SORCS2: variants seen among roughly 807,000 people sequenced by gnomAD.
SORCS2 encodes the protein VPS10 domain-containing receptor SorCS2.
In SORCS2, 100 loss-of-function variants were observed where a neutral mutation model predicts 141.6. The observed-to-expected ratio is 0.71, with a 90% confidence interval of 0.60 to 0.83. The LOEUF is 0.83. Among genes scored for constraint, SORCS2 ranks in the 40% least tolerant of loss-of-function variants. SORCS2 has a pLI of 0.00. For synonymous variants in SORCS2, 789 were observed against 676.9 expected, an observed-to-expected ratio of 1.17 and a Z score of -2.57; for missense variants, 1,646 against 1,560.2, an observed-to-expected ratio of 1.05 and a Z score of -0.93.
At chr4:7,268,420 C>G (rs907659103) in intron 1 of SORCS2, among the ~76,000 whole-genome samples, 1 of 152,142 alleles carries the variant, frequency 6.6e-6, no homozygotes, top group South Asian at 2.1e-4. Flanking sequence ...ATCCCTCAAC[C>G]CCTCTCCCAT....
At chr4:7,714,680 C>G (rs965846329) in intron 16 of SORCS2, among the ~76,000 whole-genome samples, 1 of 152,188 alleles carries the variant, frequency 6.6e-6, no homozygotes, top group Non-Finnish European at 1.5e-5. Flanking sequence ...CTGCACCCAC[C>G]CCAGCCCTTC....
intron 2 of SORCS2, among the ~76,000 whole-genome samples, chr4:7,521,920 C>T (rs1490294805): frequency 1.3e-5 from 2 of 152,218 alleles, no homozygotes; most frequent in Non-Finnish European, 2.9e-5. Context: ...AAGGGGTGGT[C>T]CATGCCGTAA....
intron 1 of SORCS2, among the ~76,000 whole-genome samples, chr4:7,394,788 C>G (rs778473222): frequency 6.6e-6 from 1 of 152,034 alleles, no homozygotes; most frequent in South Asian, 2.1e-4. Context: ...CCTCCAGAGC[C>G]GAGCTCCACC....
intron 1 of SORCS2, among the ~76,000 whole-genome samples, chr4:7,293,087 G>A (rs1716723633): frequency 6.6e-6 from 1 of 152,096 alleles, no homozygotes; most frequent in Non-Finnish European, 1.5e-5. Flanking sequence ...GGCGGATCAT[G>A]AGGTCAGGAG....
At chr4:7,296,302 A>T (rs1717047054) in intron 1 of SORCS2, among the ~76,000 whole-genome samples, 1 of 152,030 alleles carries the variant, frequency 6.6e-6, no homozygotes, top group African/African-American at 2.4e-5. Context: ...GTGTACCCTG[A>T]TTTTCTCTCT....
chr4:7,414,762 G>A (rs1424741573), intron 2 of SORCS2, among the ~76,000 whole-genome samples: 2 of 152,214 alleles, frequency 1.3e-5, no homozygotes, highest in African/African-American at 4.8e-5. Flanking sequence ...ATTATAATTA[G>A]ATATAGGGTC....
At chr4:7,505,213 G>A (rs573413930) in intron 2 of SORCS2, among the ~76,000 whole-genome samples, 13 of 152,318 alleles carry the variant, frequency 8.5e-5, no homozygotes, top group Admixed American at 5.2e-4. Context: ...GACAGCATCC[G>A]TGGAAAATGC....
intron 1 of SORCS2, among the ~76,000 whole-genome samples, chr4:7,367,971 G>A (rs1317956547): frequency 6.6e-6 from 1 of 152,184 alleles, no homozygotes; most frequent in Non-Finnish European, 1.5e-5. Flanking sequence ...CTGAGTGCTT[G>A]GGCTTCCCAT....
chr4:7,493,522 G>T (rs1240581730), intron 2 of SORCS2, among the ~76,000 whole-genome samples: 1 of 152,128 alleles, frequency 6.6e-6, no homozygotes, highest in Non-Finnish European at 1.5e-5. Flanking sequence ...ATCTGTTGGT[G>T]GTCGTGGTTC....
At chr4:7,484,903 C>G (rs893710357) in intron 2 of SORCS2, among the ~76,000 whole-genome samples, 8 of 152,184 alleles carry the variant, frequency 5.3e-5, no homozygotes, top group African/African-American at 1.9e-4. Flanking sequence ...TCCACACAGC[C>G]TGCCTCCTTA....
intron 1 of SORCS2, among the ~76,000 whole-genome samples, chr4:7,216,371 T>G (rs1728353374): frequency 6.6e-6 from 1 of 152,160 alleles, no homozygotes; most frequent in African/African-American, 2.4e-5. Context: ...CACAGACAAT[T>G]CACTCAAGGC....
intron 11 of SORCS2, among the ~76,000 whole-genome samples, chr4:7,690,667 T>A (rs1214947793): frequency 6.6e-6 from 1 of 151,828 alleles, no homozygotes. Context: ...AGATGGTGAA[T>A]GGATGGATGG....
intron 2 of SORCS2, among the ~76,000 whole-genome samples, chr4:7,412,572 G>A (rs533898128): frequency 2.6e-5 from 4 of 152,174 alleles, no homozygotes; most frequent in African/African-American, 4.8e-5. Flanking sequence ...CTGAAATGTC[G>A]GGTGATGATT....
At chr4:7,253,537 G>T (rs941835452) in intron 1 of SORCS2, among the ~76,000 whole-genome samples, 1 of 152,214 alleles carries the variant, frequency 6.6e-6, no homozygotes, top group Non-Finnish European at 1.5e-5. Context: ...TTCCCCCACT[G>T]AGTGCCGGGG....
chr4:7,438,537 GCT>G (rs1461805697), intron 2 of SORCS2, among the ~76,000 whole-genome samples: 1 of 151,974 alleles, frequency 6.6e-6, no homozygotes, highest in African/African-American at 2.4e-5. Context: ...TCATTTTCTA[GCT>G]CTGTCTTCCT....
chr4:7,469,749 T>C (rs1401187115), intron 2 of SORCS2, among the ~76,000 whole-genome samples: 1 of 152,196 alleles, frequency 6.6e-6, no homozygotes, highest in Non-Finnish European at 1.5e-5. Flanking sequence ...CCCCAGGTGA[T>C]TCCAATCTGC....
In SORCS2 at chr4:7,447,120, G is replaced by T. The variant is rs538394288; in HGVS notation, c.548+50765G>T. Among the ~76,000 whole-genome samples, 3 of 152,316 alleles carry T rather than the reference G, an allele frequency of 2.0e-5. No individual in the cohort carries two copies. In the East Asian group the frequency reaches 5.8e-4, roughly 29 times the overall value. ...AAAAGGACCCCGTGTGCTCAGTTCT[G>T]GGGGCTGGAAGTCCTAGATCAAGGT... On this transcript the variant is annotated intron_variant, in intron 2 of 26. Transcript: ENST00000507866.
At chr4:7,343,652 C>T (rs1359938925) in intron 1 of SORCS2, among the ~76,000 whole-genome samples, 1 of 152,200 alleles carries the variant, frequency 6.6e-6, no homozygotes, top group Non-Finnish European at 1.5e-5. Flanking sequence ...CTGGGTGACC[C>T]TGCCTGCCTC....
At chr4:7,597,680 C>G (rs116364579) in intron 3 of SORCS2, among the ~76,000 whole-genome samples, 1,619 of 129,116 alleles carry the variant, frequency 0.013, 36 homozygotes, top group African/African-American at 0.046. Context: ...GAGGGAGGGG[C>G]TACACAATGG....
Sources: gnomAD v4.1 joint callset for allele counts (sites outside exome capture counted in the v4.1 genomes callset) on GRCh38, gnomAD v4.1.1 for gene constraint, MANE v1.5 for transcripts, NCBI Gene and HGNC (gene_info 2026-07-23, HGNC 2026-07-21) for gene names.